MYO16: variants seen among roughly 807,000 people sequenced by gnomAD.
MYO16 encodes unconventional myosin-XVI.
MYO16 carries 94 observed loss-of-function variants against 205.3 expected under a neutral mutation model. The ratio of observed to expected loss-of-function variants is 0.46; its 90% CI spans 0.39 to 0.54. MYO16 has a LOEUF of 0.54. Among genes scored for constraint, MYO16 ranks in the 20% least tolerant of loss-of-function variants. MYO16 has a pLI of 0.00. For synonymous variants in MYO16, 988 were observed against 954.0 expected (o/e 1.04, Z -0.66); for missense variants, 2,315 against 2,387.5 (o/e 0.97, Z 0.63).
intron 9 of MYO16, among the ~76,000 whole-genome samples, chr13:108,839,859 G>C (rs1012640561): frequency 1.3e-5 from 2 of 152,094 alleles, no homozygotes; most frequent in Non-Finnish European, 2.9e-5. Context: ...ACTAACCATG[G>C]AATAGTAACA....
At chr13:109,176,572 G>A (rs930716943) in intron 33 of MYO16, among the ~76,000 whole-genome samples, 2 of 26,286 alleles carry the variant, frequency 7.6e-5, no homozygotes, top group East Asian at 9.9e-3. Flanking sequence ...AAAATATTGT[G>A]CTGGTAAAAA....
At chr13:108,749,148 A>C (rs1387660349) in intron 4 of MYO16, among the ~76,000 whole-genome samples, 1 of 151,758 alleles carries the variant, frequency 6.6e-6, no homozygotes, top group Non-Finnish European at 1.5e-5. Flanking sequence ...TTACCTCACA[A>C]ACTTATTATT....
At chr13:109,205,686 G>A (rs1487140361) in intron 34 of MYO16, among the ~76,000 whole-genome samples, 1 of 152,184 alleles carries the variant, frequency 6.6e-6, no homozygotes, top group Admixed American at 6.5e-5. Flanking sequence ...GAAGAAGGGT[G>A]ACCCCAGCTA....
At chr13:108,658,799 T>C (rs1881358340) in intron 1 of MYO16, among the ~76,000 whole-genome samples, 1 of 152,192 alleles carries the variant, frequency 6.6e-6, no homozygotes, top group Non-Finnish European at 1.5e-5. Flanking sequence ...TGCTTTGCTT[T>C]ATGGCCTAAG....
At position 108,639,839 on chromosome 13, in the gene MYO16, T is replaced by C. The variant is rs1228218711; in HGVS notation, c.28+9967T>C. 2.0e-5 allele frequency among the ~76,000 whole-genome samples: 3 copies of C among 152,212 alleles called. 1 individual carries two copies. The highest frequency in any genetic ancestry group is 6.5e-5 in the Admixed American group (1 of 15,286). On this transcript the variant is annotated intron_variant, in intron 1 of 34. Coordinates refer to ENST00000457511, the MANE Select transcript of MYO16 (RefSeq NM_001198950.3). ...TGGATGAATTTGAAAAAGACTTCAG[T>C]ACCAGGACCTTAAGGCCTTGGGACG... is the stretch of plus-strand genomic sequence containing the variant.
intron 1 of MYO16, among the ~76,000 whole-genome samples, chr13:108,638,846 G>A (rs1266818753): frequency 6.6e-6 from 1 of 152,150 alleles, no homozygotes; most frequent in Non-Finnish European, 1.5e-5. Flanking sequence ...GTTGTTCCAT[G>A]AGGAAGGTGT....
the MYO16 span, among the ~76,000 whole-genome samples, chr13:108,535,356 T>A: frequency 6.6e-6 from 1 of 152,296 alleles, no homozygotes; most frequent in African/African-American, 2.4e-5. Context: ...TCCTATCTGT[T>A]GACTGACATG....
At chr13:108,893,178 C>T (rs1439380086) in intron 14 of MYO16, among the ~76,000 whole-genome samples, 1 of 152,104 alleles carries the variant, frequency 6.6e-6, no homozygotes, top group Non-Finnish European at 1.5e-5. Flanking sequence ...AATCATCAGT[C>T]ATTATATCTG....
chr13:109,139,321 T>G (rs1479789808), intron 31 of MYO16, among the ~76,000 whole-genome samples: 1 of 152,202 alleles, frequency 6.6e-6, no homozygotes, highest in East Asian at 1.9e-4. Context: ...CCACTAACTA[T>G]TAATAGTTAA....
chr13:108,803,961 A>T (rs560310025), intron 6 of MYO16, among the ~76,000 whole-genome samples: 5 of 152,216 alleles, frequency 3.3e-5, no homozygotes, highest in Non-Finnish European at 7.3e-5. Context: ...TGATGGTATG[A>T]ATGCAAGATG....
chr13:108,537,176 G>A, the MYO16 span, among the ~76,000 whole-genome samples: 5 of 152,018 alleles, frequency 3.3e-5, no homozygotes, highest in Non-Finnish European at 5.9e-5. Flanking sequence ...GGAGTTCCCA[G>A]TATCTGTTAT....
chr13:108,809,940 G>A (rs890749722), intron 7 of MYO16, among the ~76,000 whole-genome samples: 5 of 152,220 alleles, frequency 3.3e-5, no homozygotes, highest in African/African-American at 1.2e-4. Flanking sequence ...CTATAGAAAG[G>A]GGAGACTTTT....
At chr13:108,666,384 A>ATTT (rs200156824) in intron 2 of MYO16, among the ~76,000 whole-genome samples, 1 of 148,522 alleles carries the variant, frequency 6.7e-6, no homozygotes, top group Non-Finnish European at 1.5e-5. Flanking sequence ...GTGAGATTGT[A>ATTT]TTTTTTTTTT....
chr13:109,043,518 T>C (rs897427482), intron 23 of MYO16, among the ~76,000 whole-genome samples: 2 of 152,180 alleles, frequency 1.3e-5, no homozygotes, highest in Non-Finnish European at 2.9e-5. Context: ...AGTCAGAGGT[T>C]CTGAACAGGA....
chr13:108,848,818 GA>G (rs1168503669), intron 10 of MYO16, among the ~76,000 whole-genome samples: 5 of 152,066 alleles, frequency 3.3e-5, no homozygotes, highest in African/African-American at 1.2e-4. Flanking sequence ...CTGTCTTGAC[GA>G]AAAAAAGTTA....
At position 108,712,680 on chromosome 13, in the gene MYO16, G is replaced by A; in HGVS notation, c.312G>A (p.Glu104=). The A allele has an allele frequency of 6.2e-7, 1 of 1,614,124 alleles. No individual in the cohort carries two copies. The highest frequency in any genetic ancestry group is 8.5e-7 in the Non-Finnish European group (1 of 1,179,976). Residue 104 remains glutamate (E), a synonymous_variant, in exon 3 of 35, where the codon GAG becomes GAA. Transcript: ENST00000457511. ...NDKEVLRLLK[E]GADPHTLVSS... The stretch of plus-strand genomic sequence containing the variant: ...TTTCAGTGCTTCGGCTCCTGAAGGA[G>A]GGGGCAGACCCCCACACCCTCGTCT...
intron 12 of MYO16, among the ~76,000 whole-genome samples, chr13:108,878,271 A>C (rs561698599): frequency 6.6e-6 from 1 of 152,140 alleles, no homozygotes; most frequent in African/African-American, 2.4e-5. Context: ...CCCATCCTGT[A>C]CCCCCAAACA....
At position 108,855,245 on chromosome 13, in the gene MYO16, TCATCTGAATA is replaced by T. The variant is rs1271016553; in HGVS notation, c.1249-194_1249-185del. The T allele has an allele frequency of 5.1e-5, 21 of 408,084 alleles. No individual in the cohort carries two copies. In the South Asian group the frequency reaches 1.1e-3, roughly 21 times the overall value. 25.3% of individuals were successfully genotyped at this position (408,084 alleles called of 1,614,324 possible). A position where few individuals can be genotyped will look rare whatever the true frequency, so the allele number is the denominator to read the frequency against. The stretch of plus-strand genomic sequence containing the variant: ...ACTGGGGAGTATAGCACAAAAATTC[TCATCTGAATA>T]CATTGCTCTGTGGCTTTAGAGTTTT... On this transcript the variant is annotated intron_variant, in intron 10 of 34. Coordinates refer to ENST00000457511, the MANE Select transcript of MYO16 (RefSeq NM_001198950.3).
chr13:108,915,714 T>C (rs1045798373), intron 16 of MYO16, among the ~76,000 whole-genome samples: 22 of 152,226 alleles, frequency 1.4e-4, no homozygotes. Context: ...CAAAAAGTTA[T>C]TCTGAATCTC....
Sources: allele counts gnomAD v4.1 joint callset (sites outside exome capture counted in the v4.1 genomes callset), GRCh38; gene constraint gnomAD v4.1.1; transcripts MANE v1.5; gene names NCBI Gene and HGNC (gene_info 2026-07-23, HGNC 2026-07-21).